The following DGKH variants were observed in gnomAD, a reference collection of about 807,000 sequenced individuals.
DGKH encodes the protein diacylglycerol kinase eta.
In DGKH, 90 loss-of-function variants were observed where a neutral mutation model predicts 159.3. That is an observed-to-expected ratio of 0.57 (90% CI 0.48 to 0.67). The LOEUF (loss-of-function observed/expected upper bound fraction) is 0.67, where lower values mean the gene tolerates loss of function less well. Among genes scored for constraint, DGKH ranks in the 30% least tolerant of loss-of-function variants. DGKH has a pLI of 0.00. For missense variants in DGKH, 1,181 were observed against 1,506.1 expected (o/e 0.78, Z 3.57); for synonymous variants, 536 against 553.8 (o/e 0.97, Z 0.45).
At chr13:42,059,079 A>G (rs1448031558) in intron 1 of DGKH, among the ~76,000 whole-genome samples, 1 of 152,204 alleles carries the variant, frequency 6.6e-6, no homozygotes, top group Non-Finnish European at 1.5e-5. Flanking sequence ...CTTGTAAGGT[A>G]GTAATGGTGA....
chr13:42,073,201 C>A (rs1883086925), intron 1 of DGKH, among the ~76,000 whole-genome samples: 1 of 152,222 alleles, frequency 6.6e-6, no homozygotes, highest in African/African-American at 2.4e-5. Context: ...AGAGCAGTGT[C>A]CTGCTCGATA....
chr13:42,050,399 T>C (rs982313426), intron 1 of DGKH, among the ~76,000 whole-genome samples: 3 of 152,140 alleles, frequency 2.0e-5, no homozygotes, highest in Non-Finnish European at 4.4e-5. Flanking sequence ...TGCCTCCTTA[T>C]TTTCTGAAAT....
At chr13:42,105,344 T>G (rs1267000551) in intron 1 of DGKH, among the ~76,000 whole-genome samples, 3 of 152,086 alleles carry the variant, frequency 2.0e-5, no homozygotes, top group Admixed American at 1.3e-4. Context: ...ACAACATTAA[T>G]CCATTCATGA....
At chr13:42,243,063 A>G (rs1255875223), downstream of DGKH, among the ~76,000 whole-genome samples, 2 of 152,214 alleles carry the variant, frequency 1.3e-5, no homozygotes, top group African/African-American at 2.4e-5. Context: ...GCTGTAGTAC[A>G]GTATCACAAC....
intron 1 of DGKH, among the ~76,000 whole-genome samples, chr13:42,105,034 T>C (rs1405945264): frequency 1.3e-5 from 2 of 152,008 alleles, no homozygotes; most frequent in Non-Finnish European, 2.9e-5. Flanking sequence ...TATGTATGTA[T>C]GTATGTATGT....
chr13:42,069,329 C>A, intron 1 of DGKH: 2 of 1,271,988 alleles, frequency 1.6e-6, no homozygotes, highest in Non-Finnish European at 1.1e-6. Context: ...AAGATGGGTA[C>A]AAAGTTTCTA....
At chr13:42,155,625 G>A in intron 4 of DGKH, 42 bp from the exon 5 acceptor site, 1 of 1,613,752 alleles carries the variant, frequency 6.2e-7, no homozygotes. Context: ...CTGTAGCCTT[G>A]TTCACTGGCT....
chr13:42,087,044 A>AACACACACACACACACACAC (rs71298957), intron 1 of DGKH, among the ~76,000 whole-genome samples: 83 of 140,164 alleles, frequency 5.9e-4, no homozygotes, highest in Non-Finnish European at 7.5e-4. Flanking sequence ...CCAGAAGGAA[A>AACACACACACACACACACAC]ACACACACAC....
intron 11 of DGKH, among the ~76,000 whole-genome samples, chr13:42,169,495 T>A (rs1956394644): frequency 6.6e-6 from 1 of 152,122 alleles, no homozygotes; most frequent in Admixed American, 6.5e-5. Flanking sequence ...AATTTGGGTA[T>A]AAGGAACAAC....
intron 29 of DGKH, among the ~76,000 whole-genome samples, chr13:42,251,829 C>T (rs1958622379): frequency 6.6e-6 from 1 of 152,186 alleles, no homozygotes; most frequent in Non-Finnish European, 1.5e-5. Flanking sequence ...GTTCCCATTA[C>T]ATACCCCCCA....
chr13:42,065,619 G>A (rs1411693585), intron 1 of DGKH, among the ~76,000 whole-genome samples: 1 of 152,164 alleles, frequency 6.6e-6, no homozygotes, highest in Non-Finnish European at 1.5e-5. Context: ...GTGAACAGGT[G>A]AGTCACAGGA....
chr13:42,195,806 A>C (rs1490069528), intron 17 of DGKH: 1 of 152,260 alleles, frequency 6.6e-6, no homozygotes, highest in Non-Finnish European at 1.5e-5. Context: ...ACAAAAGACA[A>C]ATAAATTGGA....
chr13:42,173,977 G>GTC lies in DGKH; in HGVS notation c.1368-82_1368-81insCT. ...TGTGTGTGCGTGCGTGTGTGTGTGT[G>GTC]TGTGTGCGCGTTTATGAGATGCTAA... On this transcript the variant is annotated intron_variant, in intron 11 of 29. Transcript: ENST00000337343. 3 of 821,708 alleles carry GTC rather than the reference G, an allele frequency of 3.7e-6. No individual in the cohort carries two copies. In the South Asian group the frequency reaches 4.5e-5, roughly 12 times the overall value. 50.9% of individuals were successfully genotyped at this position (821,708 alleles called of 1,614,324 possible).
chr13:42,139,064 A>T (rs955752855), intron 3 of DGKH, among the ~76,000 whole-genome samples: 10 of 152,162 alleles, frequency 6.6e-5, no homozygotes, highest in Non-Finnish European at 1.5e-4. Flanking sequence ...TTATTTAGTG[A>T]TATAGCATCT....
At chr13:42,053,598 G>A (rs959892539) in intron 1 of DGKH, among the ~76,000 whole-genome samples, 1 of 90,848 alleles carries the variant, frequency 1.1e-5, no homozygotes, top group Non-Finnish European at 2.2e-5. Context: ...CTATATATAT[G>A]TATATATATA....
intron 3 of DGKH, among the ~76,000 whole-genome samples, chr13:42,141,028 C>CCATGAACTCGTCATTTACATTAGGTATAT (rs55860412): frequency 1.9e-5 from 1 of 52,094 alleles, no homozygotes; most frequent in Non-Finnish European, 3.9e-5. Context: ...TGTGCTGAAC[C>CCATGAACTCGTCATTTACATTAGGTATAT]CTCCTAATGC....
At chr13:42,249,318 G>A (rs559792198) in intron 29 of DGKH, among the ~76,000 whole-genome samples, 2 of 152,306 alleles carry the variant, frequency 1.3e-5, no homozygotes, top group East Asian at 3.9e-4. Context: ...AATTGAGCCT[G>A]GGAGGATGGA....
chr13:42,067,814 G>C (rs953308296), intron 1 of DGKH, among the ~76,000 whole-genome samples: 1 of 151,948 alleles, frequency 6.6e-6, no homozygotes, highest in African/African-American at 2.4e-5. Flanking sequence ...CAAATTCTAA[G>C]AGACTGTGAC....
chr13:42,070,950 G>T, intron 1 of DGKH: 1 of 1,299,578 alleles, frequency 7.7e-7, no homozygotes, highest in South Asian at 1.2e-5. Context: ...CAATTTTCTT[G>T]ATGGCTACTC....
Sources: allele counts gnomAD v4.1 joint callset (sites outside exome capture counted in the v4.1 genomes callset), GRCh38; gene constraint gnomAD v4.1.1; transcripts MANE v1.5; gene names NCBI Gene and HGNC (gene_info 2026-07-23, HGNC 2026-07-21).